The following VPS13B variants were observed in gnomAD, a reference collection of about 807,000 sequenced individuals.
VPS13B encodes the protein intermembrane lipid transfer protein VPS13B.
Under a neutral mutation model 426.4 loss-of-function variants are expected in VPS13B, and 285 were observed. The ratio of observed to expected loss-of-function variants is 0.67; its 90% confidence interval spans 0.61 to 0.74. The LOEUF (loss-of-function observed/expected upper bound fraction) is 0.74, where lower values mean the gene tolerates loss of function less well. Ranked by LOEUF, VPS13B falls within the 30% of genes least tolerant of loss-of-function variation. VPS13B has a pLI of 0.00. For missense variants in VPS13B, 4,537 were observed against 4,782.6 expected (o/e 0.95, Z 1.51); for synonymous variants, 1,676 against 1,676.4 (o/e 1.00, Z 0.01).
chr8:99,442,017 C>A (rs1817704024), intron 22 of VPS13B, among the ~76,000 whole-genome samples: 1 of 152,028 alleles, frequency 6.6e-6, no homozygotes, highest in Non-Finnish European at 1.5e-5. Context: ...GTAAAAATAG[C>A]CCTTTTTAAA....
chr8:99,804,605 T>C (rs1813296430), intron 43 of VPS13B, among the ~76,000 whole-genome samples: 1 of 152,190 alleles, frequency 6.6e-6, no homozygotes, highest in Admixed American at 6.5e-5. Flanking sequence ...GTTGGTTATT[T>C]TGTATTAATC....
At chr8:99,088,739 T>C (rs1244224123) in intron 3 of VPS13B, among the ~76,000 whole-genome samples, 1 of 152,224 alleles carries the variant, frequency 6.6e-6, no homozygotes, top group Non-Finnish European at 1.5e-5. Context: ...TTGGCTTGTT[T>C]AATATATAGA....
At chr8:99,329,654 A>G (rs1339795522) in intron 19 of VPS13B, among the ~76,000 whole-genome samples, 1 of 152,118 alleles carries the variant, frequency 6.6e-6, no homozygotes, top group African/African-American at 2.4e-5. Flanking sequence ...AGTGGATTAC[A>G]TTAAACATAA....
At chr8:99,873,543 G>A (rs949034270) in intron 61 of VPS13B, among the ~76,000 whole-genome samples, 3 of 152,274 alleles carry the variant, frequency 2.0e-5, no homozygotes, top group Non-Finnish European at 2.9e-5. Context: ...GCCAAGGCCC[G>A]GCACTGGCTG....
At position 99,026,894 on chromosome 8, in the gene VPS13B, C is replaced by T. The variant is rs548687157; in HGVS notation, c.148-11529C>T. ...TATTTATTTTTTTTTTCCCCCGCTC[C>T]GAGACGGAGTCTCACTCTGTCACCC... On this transcript the variant is annotated intron_variant, in intron 2 of 61. Coordinates refer to ENST00000357162, the MANE Select transcript of VPS13B (RefSeq NM_152564.5). Among the ~76,000 whole-genome samples the T allele has an allele frequency of 9.2e-5, 14 of 151,976 alleles. No individual in the cohort carries two copies. The South Asian group carries it at 1.7e-3, about 18-fold the overall frequency.
chr8:99,409,670 T>C (rs1232665968), intron 21 of VPS13B, among the ~76,000 whole-genome samples: 1 of 152,146 alleles, frequency 6.6e-6, no homozygotes, highest in Non-Finnish European at 1.5e-5. Flanking sequence ...TTTTCCGCTC[T>C]CCACTTACAG....
chr8:99,722,004 G>A (rs1382767526), intron 39 of VPS13B, among the ~76,000 whole-genome samples: 7 of 152,196 alleles, frequency 4.6e-5, no homozygotes, highest in Non-Finnish European at 7.3e-5. Flanking sequence ...ACCCTGTGGT[G>A]ACTTCCTCTA....
At chr8:99,531,352 C>T (rs1563779422) in intron 30 of VPS13B, among the ~76,000 whole-genome samples, 1 of 152,038 alleles carries the variant, frequency 6.6e-6, no homozygotes, top group Admixed American at 6.6e-5. Flanking sequence ...GAGTAATGAC[C>T]AGATAAATAT....
intron 12 of VPS13B, among the ~76,000 whole-genome samples, chr8:99,139,684 G>T (rs1372736991): frequency 6.6e-6 from 1 of 151,662 alleles, no homozygotes; most frequent in African/African-American, 2.4e-5. Context: ...TGATCCACCC[G>T]CTTCAGCCTC....
At chr8:99,739,877 C>T (rs1284682262) in intron 39 of VPS13B, among the ~76,000 whole-genome samples, 2 of 152,182 alleles carry the variant, frequency 1.3e-5, no homozygotes, top group Non-Finnish European at 2.9e-5. Context: ...GTGGAAAAAA[C>T]AGAGCAGAAA....
At chr8:99,590,618 TGTTCA>T (rs1826595507) in intron 33 of VPS13B, among the ~76,000 whole-genome samples, 1 of 152,216 alleles carries the variant, frequency 6.6e-6, no homozygotes, top group Non-Finnish European at 1.5e-5. Flanking sequence ...AGGAGCAAGT[TGTTCA>T]GTTTCCATGT....
intron 58 of VPS13B, among the ~76,000 whole-genome samples, chr8:99,862,421 A>C (rs991440589): frequency 6.6e-6 from 1 of 152,216 alleles, no homozygotes; most frequent in African/African-American, 2.4e-5. Flanking sequence ...TTTTGAGATC[A>C]GCCTGATTCA....
At chr8:99,033,020 A>T (rs528017763) in intron 2 of VPS13B, among the ~76,000 whole-genome samples, 1 of 152,274 alleles carries the variant, frequency 6.6e-6, no homozygotes, top group African/African-American at 2.4e-5. Context: ...TTAAAAGTTC[A>T]ACTATACAAT....
chr8:99,457,113 T>C (rs1048937500), intron 23 of VPS13B, among the ~76,000 whole-genome samples: 113 of 151,164 alleles, frequency 7.5e-4, no homozygotes, highest in African/African-American at 2.6e-3. Context: ...CTCACTGCAA[T>C]CTCTGCCTCC....
At chr8:99,555,212 A>C (rs955690644) in intron 30 of VPS13B, among the ~76,000 whole-genome samples, 3 of 152,108 alleles carry the variant, frequency 2.0e-5, no homozygotes, top group Non-Finnish European at 2.9e-5. Context: ...GCTGGCCCAG[A>C]CACCCGTTGT....
chr8:99,279,249 A>T (rs1819048334), intron 19 of VPS13B, among the ~76,000 whole-genome samples: 1 of 152,108 alleles, frequency 6.6e-6, no homozygotes, highest in Non-Finnish European at 1.5e-5. Context: ...AAAATAAATA[A>T]AAATAAAAAT....
intron 39 of VPS13B, among the ~76,000 whole-genome samples, chr8:99,745,330 T>G (rs1810026908): frequency 6.6e-6 from 1 of 152,104 alleles, no homozygotes; most frequent in Admixed American, 6.6e-5. Context: ...TTCTGATGAT[T>G]TCCCTAAAAA....
At chr8:99,167,311 A>AG (rs1211120521) in intron 15 of VPS13B, among the ~76,000 whole-genome samples, 1 of 152,116 alleles carries the variant, frequency 6.6e-6, no homozygotes, top group East Asian at 1.9e-4. Flanking sequence ...TATTGCATAC[A>AG]TACCAACTTT....
chr8:99,142,030 G>T (rs1206893895), intron 12 of VPS13B, among the ~76,000 whole-genome samples: 1 of 152,072 alleles, frequency 6.6e-6, no homozygotes, highest in Non-Finnish European at 1.5e-5. Context: ...TTGAGCCTGG[G>T]TGACTGAGAC....
Sources: gnomAD v4.1 joint callset for allele counts (sites outside exome capture counted in the v4.1 genomes callset) on GRCh38, gnomAD v4.1.1 for gene constraint, MANE v1.5 for transcripts, NCBI Gene and HGNC (gene_info 2026-07-23, HGNC 2026-07-21) for gene names.